Variants in FOCAD observed in about 807,000 individuals in gnomAD.
FOCAD encodes the protein focadhesin, also known as KIAA1797.
A neutral mutation model predicts 225.6 loss-of-function variants in FOCAD; 198 were observed. That is an observed-to-expected ratio of 0.88 (90% CI 0.78 to 0.99). The LOEUF (loss-of-function observed/expected upper bound fraction) is 0.99. FOCAD is among the 50% of genes least tolerant of loss of function. The pLI is 0.00. For synonymous variants in FOCAD, 897 were observed against 755.0 expected (o/e 1.19, Z -3.08); for missense variants, 2,713 against 2,123.6 (o/e 1.28, Z -5.46).
intron 18 of FOCAD, among the ~76,000 whole-genome samples, chr9:20,872,613 C>A (rs1483722421): frequency 6.6e-6 from 1 of 150,536 alleles, no homozygotes; most frequent in African/African-American, 2.4e-5. Flanking sequence ...TCCTTCCTTT[C>A]TTTTCTCTTT....
chr9:20,803,734 C>G (rs1317107608), intron 11 of FOCAD, among the ~76,000 whole-genome samples: 1 of 152,058 alleles, frequency 6.6e-6, no homozygotes, highest in Non-Finnish European at 1.5e-5. Flanking sequence ...GACTTGGGCT[C>G]CTTGCTATGG....
At chr9:20,939,910 A>G (rs1192519322) in intron 28 of FOCAD, among the ~76,000 whole-genome samples, 1 of 44,372 alleles carries the variant, frequency 2.3e-5, no homozygotes, top group Non-Finnish European at 4.4e-5. Context: ...CCCTCCCTCC[A>G]CCCCACGACA....
intron 38 of FOCAD, 64 bp downstream of exon 38, chr9:20,981,750 G>C: frequency 6.5e-7 from 1 of 1,532,746 alleles, no homozygotes; most frequent in Non-Finnish European, 8.8e-7. Context: ...AGGCTTCTTG[G>C]CAAAGTGGGG....
chr9:20,989,160 G>A (rs1173507188), intron 41 of FOCAD, among the ~76,000 whole-genome samples: 1 of 152,148 alleles, frequency 6.6e-6, no homozygotes, highest in East Asian at 1.9e-4. Context: ...TGTTTGCTGT[G>A]TGAGTCAAAT....
Position 20,953,082 on chromosome 9 carries a change from C to T in FOCAD, c.4132+17C>T. 1.3e-6 allele frequency: 2 copies of T among 1,598,062 alleles called. No homozygotes were observed. The highest frequency in any genetic ancestry group is 1.1e-5 in the South Asian group (1 of 90,266). On this transcript the variant is annotated intron_variant, in intron 35 of 43. Transcript: ENST00000338382. ...GAAAAAAAGGCAAGTGAGCACATTT[C>T]TTGAATTTTATCATTCTATCTCCAT...
At chr9:20,745,115 T>A (rs1212304822) in intron 5 of FOCAD, among the ~76,000 whole-genome samples, 5 of 71,406 alleles carry the variant, frequency 7.0e-5, no homozygotes, top group African/African-American at 1.5e-4. Context: ...TATTTAAACA[T>A]TTTTTTTTTT....
chr9:20,785,971 C>G (rs1422136563), intron 10 of FOCAD, among the ~76,000 whole-genome samples: 1 of 152,040 alleles, frequency 6.6e-6, no homozygotes, highest in Non-Finnish European at 1.5e-5. Context: ...AGTGGTATTT[C>G]ATTGTGGTTT....
At chr9:20,677,651 A>G (rs1397057150) in intron 2 of FOCAD, among the ~76,000 whole-genome samples, 1 of 149,136 alleles carries the variant, frequency 6.7e-6, no homozygotes, top group African/African-American at 2.6e-5. Flanking sequence ...TAAAACTACA[A>G]TAAGATATAA....
chr9:20,891,415 A>C (rs1423127069), intron 21 of FOCAD, among the ~76,000 whole-genome samples: 3 of 152,226 alleles, frequency 2.0e-5, no homozygotes, highest in Non-Finnish European at 4.4e-5. Flanking sequence ...TTCTTGCACC[A>C]AACAGCCAAT....
At chr9:20,932,003 A>G (rs551494125) in intron 27 of FOCAD, among the ~76,000 whole-genome samples, 1 of 151,944 alleles carries the variant, frequency 6.6e-6, no homozygotes, top group South Asian at 2.1e-4. Flanking sequence ...TCTAAAATTT[A>G]TTCAGAAGCT....
At chr9:20,966,882 A>G (rs1439718342) in intron 35 of FOCAD, among the ~76,000 whole-genome samples, 2 of 152,196 alleles carry the variant, frequency 1.3e-5, no homozygotes, top group African/African-American at 4.8e-5. Context: ...GCACTGGTCT[A>G]TATGTCTGTC....
intron 15 of FOCAD, among the ~76,000 whole-genome samples, chr9:20,831,855 A>T (rs1435932611): frequency 1.3e-5 from 2 of 152,024 alleles, no homozygotes; most frequent in Non-Finnish European, 2.9e-5. Flanking sequence ...ATTGAACCCC[A>T]ATCCTCCCAT....
intron 8 of FOCAD, among the ~76,000 whole-genome samples, chr9:20,775,023 T>C (rs1478888417): frequency 6.6e-6 from 1 of 152,232 alleles, no homozygotes; most frequent in East Asian, 1.9e-4. Context: ...GAAGTAGTCT[T>C]ATGTATTTTG....
At chr9:20,821,852 TG>T (rs1367194743) in intron 14 of FOCAD, among the ~76,000 whole-genome samples, 1 of 151,956 alleles carries the variant, frequency 6.6e-6, no homozygotes, top group East Asian at 1.9e-4. Context: ...TGCAGTGGGT[TG>T]GCCCAGATGC....
At chr9:20,807,341 G>A (rs368521961) in intron 11 of FOCAD, among the ~76,000 whole-genome samples, 6 of 152,268 alleles carry the variant, frequency 3.9e-5, no homozygotes, top group South Asian at 2.1e-4. Flanking sequence ...GTGTGTGCAC[G>A]CGCCTGTTTT....
intron 10 of FOCAD, among the ~76,000 whole-genome samples, chr9:20,784,494 G>A (rs1164151888): frequency 6.6e-6 from 1 of 152,134 alleles, no homozygotes; most frequent in Admixed American, 6.5e-5. Context: ...TTTTTTTGGA[G>A]GGGAGTAAGG....
rs186604501 is a variant in FOCAD at position 20,685,140 on chromosome 9, T to C, written c.-33+847T>C. On this transcript the variant is annotated intron_variant, in intron 1 of 43. Coordinates refer to ENST00000338382, the MANE Select transcript of FOCAD (RefSeq NM_001375567.1). Reference sequence around the variant, plus strand: ...CATACCAGGTATTAAAATCGGCATTTCCTGCGTTTTATTCCAGTTTATATG... The same window carrying C: ...CATACCAGGTATTAAAATCGGCATTCCCTGCGTTTTATTCCAGTTTATATG... 4.9e-4 allele frequency among the ~76,000 whole-genome samples: 75 copies of C among 152,306 alleles called. 2 individuals carry two copies. The highest frequency in any genetic ancestry group is 1.7e-3 in the African/African-American group (71 of 41,562).
chr9:20,811,413 C>T (rs910081328), intron 11 of FOCAD, among the ~76,000 whole-genome samples: 5 of 152,030 alleles, frequency 3.3e-5, no homozygotes, highest in Non-Finnish European at 5.9e-5. Flanking sequence ...CAAGGAATCA[C>T]TACAGATCAG....
intron 4 of FOCAD, among the ~76,000 whole-genome samples, chr9:20,720,980 G>T (rs1454715340): frequency 2.0e-5 from 3 of 152,160 alleles, no homozygotes; most frequent in Non-Finnish European, 4.4e-5. Context: ...GTGATTTAGG[G>T]ATGTCTTCCC....
Sources: allele counts gnomAD v4.1 joint callset (sites outside exome capture counted in the v4.1 genomes callset), GRCh38; gene constraint gnomAD v4.1.1; transcripts MANE v1.5; gene names NCBI Gene and HGNC (gene_info 2026-07-23, HGNC 2026-07-21).